CLASP1: variants seen among roughly 807,000 people sequenced by gnomAD.
The protein encoded by CLASP1 is CLIP-associating protein 1.
CLASP1 carries 38 observed loss-of-function variants against 192.3 expected under a neutral mutation model. That is an observed-to-expected ratio of 0.20 (90% confidence interval 0.15 to 0.26). The LOEUF (loss-of-function observed/expected upper bound fraction) is 0.26. Among genes scored for constraint, CLASP1 ranks in the 10% least tolerant of loss-of-function variants. The probability of loss-of-function intolerance (pLI) is 1.00; values close to 1 mark genes in which losing one functional copy is unlikely to be tolerated. For missense variants in CLASP1, 1,433 were observed against 1,932.5 expected (o/e 0.74, Z 4.85); for synonymous variants, 691 against 712.8 (o/e 0.97, Z 0.49).
rs920277608 is a variant in CLASP1 at position 121,468,570 on chromosome 2, T to G, written c.865+1238A>C. The stretch of plus-strand genomic sequence containing the variant: ...TGGGAATTCATTCACGATTTGGCTC[T>G]CTGCTTGCCTGGTGTTGATGTACAG... On this transcript the variant is annotated intron_variant, in intron 9 of 39. Transcript: ENST00000263710. Among the ~76,000 whole-genome samples the G allele has an allele frequency of 3.9e-5, 6 of 152,324 alleles. 1 individual carries two copies. The highest frequency in any genetic ancestry group is 6.8e-3 in the Middle Eastern group (2 of 294).
At chr2:121,451,499 C>CTGACTGGAATG (rs1485768773) in intron 15 of CLASP1, among the ~76,000 whole-genome samples, 1 of 152,162 alleles carries the variant, frequency 6.6e-6, no homozygotes, top group Non-Finnish European at 1.5e-5. Context: ...AAACTGTTAC[C>CTGACTGGAATG]TCATGGGAAC....
intron 34 of CLASP1, among the ~76,000 whole-genome samples, chr2:121,377,170 G>A (rs1206712564): frequency 6.6e-6 from 1 of 152,136 alleles, no homozygotes; most frequent in Admixed American, 6.5e-5. Context: ...GGTAAATACA[G>A]TTAACAACAG....
chr2:121,395,374 T>C (rs1447193165), intron 30 of CLASP1, among the ~76,000 whole-genome samples: 1 of 152,234 alleles, frequency 6.6e-6, no homozygotes, highest in African/African-American at 2.4e-5. Flanking sequence ...AAAATATCAT[T>C]TGAAATGAAA....
chr2:121,452,474 C>T (rs2085688753), intron 14 of CLASP1, among the ~76,000 whole-genome samples: 1 of 152,186 alleles, frequency 6.6e-6, no homozygotes, highest in Non-Finnish European at 1.5e-5. Context: ...TACATCACCA[C>T]TTCGGGTTCT....
intron 19 of CLASP1, among the ~76,000 whole-genome samples, chr2:121,446,684 G>A (rs772585313): frequency 7.9e-5 from 12 of 152,066 alleles, no homozygotes; most frequent in Admixed American, 3.9e-4. Flanking sequence ...ATGAATAGTC[G>A]ATCTATCACT....
chr2:121,531,107 T>C (rs2094836963), intron 2 of CLASP1: 2 of 642,232 alleles, frequency 3.1e-6, no homozygotes, highest in African/African-American at 1.8e-5. Context: ...ACAAGACGCG[T>C]GGTTTTAGTG....
At chr2:121,513,845 G>T (rs1489380422) in intron 7 of CLASP1, among the ~76,000 whole-genome samples, 1 of 152,182 alleles carries the variant, frequency 6.6e-6, no homozygotes, top group Non-Finnish European at 1.5e-5. Context: ...AGTGCCCTGG[G>T]TTTTTCCTGG....
chr2:121,564,646 C>T (rs1281709086), intron 2 of CLASP1, among the ~76,000 whole-genome samples: 1 of 152,180 alleles, frequency 6.6e-6, no homozygotes, highest in African/African-American at 2.4e-5. Context: ...AAACCAAGCA[C>T]ACATTTTCAT....
chr2:121,369,052 A>G (rs1303343368), intron 34 of CLASP1, among the ~76,000 whole-genome samples: 1 of 152,366 alleles, frequency 6.6e-6, no homozygotes, highest in Admixed American at 6.5e-5. Context: ...GGTACCTCAG[A>G]TAAGTGGAAC....
At chr2:121,645,919 C>G (rs944774479) in intron 1 of CLASP1, among the ~76,000 whole-genome samples, 1 of 152,146 alleles carries the variant, frequency 6.6e-6, no homozygotes, top group Non-Finnish European at 1.5e-5. Context: ...AAGCTAGAAA[C>G]AAGCAGTAAA....
chr2:121,424,998 G>GTA, intron 22 of CLASP1, 141 bp downstream of exon 22: 1 of 800,730 alleles, frequency 1.2e-6, no homozygotes, highest in Non-Finnish European at 2.0e-6. Context: ...GCCATAATCT[G>GTA]TATAAAGCAC....
chr2:121,522,161 C>T (rs956246273), intron 6 of CLASP1, among the ~76,000 whole-genome samples: 2 of 151,948 alleles, frequency 1.3e-5, no homozygotes, highest in African/African-American at 4.8e-5. Flanking sequence ...AATATATGTG[C>T]GGACAAAACA....
chr2:121,446,244 G>A (rs2084324471), intron 19 of CLASP1, among the ~76,000 whole-genome samples: 1 of 152,136 alleles, frequency 6.6e-6, no homozygotes, highest in African/African-American at 2.4e-5. Flanking sequence ...CAGAACAATA[G>A]TTTATAAAGA....
intron 19 of CLASP1, among the ~76,000 whole-genome samples, chr2:121,442,500 G>A (rs1275514726): frequency 5.1e-5 from 7 of 137,542 alleles, no homozygotes; most frequent in Non-Finnish European, 9.7e-5. Flanking sequence ...TTTTTGAGAC[G>A]GAGTCTCGCT....
intron 1 of CLASP1, among the ~76,000 whole-genome samples, chr2:121,607,555 G>C (rs2064606800): frequency 6.6e-6 from 1 of 152,062 alleles, no homozygotes; most frequent in Admixed American, 6.6e-5. Context: ...ATAGCTGCTG[G>C]AGCATTGTAC....
At chr2:121,498,016 C>T (rs1349801196) in intron 8 of CLASP1, among the ~76,000 whole-genome samples, 2 of 152,112 alleles carry the variant, frequency 1.3e-5, no homozygotes, top group South Asian at 2.1e-4. Flanking sequence ...CACACCGCCA[C>T]GCCCAGCTAA....
At chr2:121,575,630 G>C (rs2060442666) in intron 2 of CLASP1, among the ~76,000 whole-genome samples, 1 of 152,130 alleles carries the variant, frequency 6.6e-6, no homozygotes, top group Non-Finnish European at 1.5e-5. Flanking sequence ...GGAAGCAAAG[G>C]CTCAGTGACG....
chr2:121,461,147 T>G (rs1248884458), exon 11 of CLASP1: 1 of 1,607,252 alleles, frequency 6.2e-7, no homozygotes, highest in East Asian at 2.2e-5. Context: ...AGATAATATT[T>G]CCCTAATTTT....
At chr2:121,425,615 TA>T (rs2080251705) in intron 21 of CLASP1, among the ~76,000 whole-genome samples, 1 of 152,156 alleles carries the variant, frequency 6.6e-6, no homozygotes, top group Non-Finnish European at 1.5e-5. Flanking sequence ...CTGATTATGT[TA>T]AAAATTTTAG....
Sources: allele counts gnomAD v4.1 joint callset (sites outside exome capture counted in the v4.1 genomes callset), GRCh38; gene constraint gnomAD v4.1.1; transcripts MANE v1.5; gene names NCBI Gene and HGNC (gene_info 2026-07-23, HGNC 2026-07-21).